COL22A1: variants seen among roughly 807,000 people sequenced by gnomAD.
COL22A1 encodes the protein collagen type XXII alpha 1 chain, also known as collagen alpha-1(XXII) chain.
Under a neutral mutation model 248.9 loss-of-function variants are expected in COL22A1, and 221 were observed. The ratio of observed to expected loss-of-function variants is 0.89; its 90% CI spans 0.80 to 0.99. The LOEUF is 0.99. COL22A1 is among the 50% of genes least tolerant of loss of function. The pLI is 0.00. For missense variants in COL22A1, 2,240 were observed against 2,179.0 expected (o/e 1.03, Z -0.56); for synonymous variants, 891 against 793.4 (o/e 1.12, Z -2.07).
intron 1 of COL22A1, among the ~76,000 whole-genome samples, chr8:138,887,711 T>C (rs570780850): frequency 6.6e-6 from 1 of 152,336 alleles, no homozygotes; most frequent in South Asian, 2.1e-4. Context: ...TGCACCTAAG[T>C]CTTACCCATG....
At chr8:138,593,687 T>C (rs755101466) in intron 63 of COL22A1, among the ~76,000 whole-genome samples, 15 of 152,216 alleles carry the variant, frequency 9.9e-5, no homozygotes, top group Non-Finnish European at 1.3e-4. Context: ...TGAGATTAAA[T>C]GTCTTATTCC....
intron 1 of COL22A1, among the ~76,000 whole-genome samples, chr8:138,883,825 C>T (rs1412490238): frequency 1.3e-5 from 2 of 152,266 alleles, no homozygotes; most frequent in East Asian, 3.9e-4. Context: ...TCAATGAAAC[C>T]TCTTTCGTTT....
rs531172929 is a variant in COL22A1, at chr8:138,682,046, T to C, written c.3013-2370A>G. On this transcript the variant is annotated intron_variant, in intron 39 of 64. Coordinates refer to ENST00000303045, the MANE Select transcript of COL22A1 (RefSeq NM_152888.3). Reference sequence around the variant, plus strand: ...GAGCCTCACATTTTCATATCTTGCATGTTATTGTAAGCAAGCCTCTCACAT... The same window carrying C: ...GAGCCTCACATTTTCATATCTTGCACGTTATTGTAAGCAAGCCTCTCACAT... 9.8e-5 allele frequency among the ~76,000 whole-genome samples: 15 copies of C among 152,320 alleles called. No individual in the cohort carries two copies. The South Asian group carries it at 2.9e-3, about 29-fold the overall frequency.
At chr8:138,661,601 GGGAA>G (rs1823964110) in intron 43 of COL22A1, among the ~76,000 whole-genome samples, 2 of 152,150 alleles carry the variant, frequency 1.3e-5, no homozygotes, top group African/African-American at 4.8e-5. Context: ...GTCACAAAGT[GGGAA>G]GGAACACATC....
chr8:138,897,532 A>T (rs1233459350), intron 1 of COL22A1, among the ~76,000 whole-genome samples: 5 of 147,084 alleles, frequency 3.4e-5, no homozygotes, highest in Non-Finnish European at 7.5e-5. Context: ...CTAGTGACAG[A>T]GCGAGACTCT....
intron 2 of COL22A1, among the ~76,000 whole-genome samples, chr8:138,880,353 C>T (rs961581181): frequency 5.3e-5 from 8 of 152,156 alleles, no homozygotes; most frequent in African/African-American, 1.7e-4. Flanking sequence ...TGTGTGTGCA[C>T]GCGCGATTGT....
At chr8:138,802,800 T>C in intron 11 of COL22A1, 72 bp downstream of exon 11, 2 of 1,185,528 alleles carry the variant, frequency 1.7e-6, no homozygotes, top group Non-Finnish European at 2.5e-6. Flanking sequence ...CTGATTTGCA[T>C]GATCGGAGGG....
intron 58 of COL22A1, 142 bp downstream of exon 58, chr8:138,606,239 T>C (rs1412296779): frequency 1.4e-6 from 1 of 722,024 alleles, no homozygotes; most frequent in Non-Finnish European, 2.3e-6. Context: ...TCTTAAACCA[T>C]GATGCAACTT....
At chr8:138,848,348 T>C (rs1821394246) in intron 3 of COL22A1, among the ~76,000 whole-genome samples, 1 of 152,172 alleles carries the variant, frequency 6.6e-6, no homozygotes, top group African/African-American at 2.4e-5. Flanking sequence ...ACAGCATGCG[T>C]TCCTTCTCAC....
chr8:138,730,678 C>G (rs991056814), intron 23 of COL22A1, among the ~76,000 whole-genome samples: 2 of 152,080 alleles, frequency 1.3e-5, no homozygotes, highest in African/African-American at 4.8e-5. Context: ...CATGAGATAC[C>G]TGTTGAAAAG....
chr8:138,879,847 C>CAA (rs1477827447), intron 2 of COL22A1, among the ~76,000 whole-genome samples: 1 of 151,484 alleles, frequency 6.6e-6, no homozygotes, highest in Non-Finnish European at 1.5e-5. Flanking sequence ...TAAAACAAAA[C>CAA]AAAACAAAAC....
At chr8:138,873,030 T>C (rs1823458017) in intron 3 of COL22A1, among the ~76,000 whole-genome samples, 1 of 152,144 alleles carries the variant, frequency 6.6e-6, no homozygotes, top group South Asian at 2.1e-4. Flanking sequence ...TTCTAGACAC[T>C]GGGTAGGGTT....
In COL22A1 at chr8:138,652,058, T is replaced by C. The variant is rs1709848286; in HGVS notation, c.3334-2280A>G. Among the ~76,000 whole-genome samples the C allele has an allele frequency of 3.9e-5, 6 of 152,182 alleles. No homozygotes were observed. The South Asian group carries it at 1.2e-3, about 31-fold the overall frequency. ...ACCCAGTTCTGGAATCCAGTGAGCA[T>C]AGGGTGAGATCACCCCAATCTGCAG... On this transcript the variant is annotated intron_variant, in intron 45 of 64. Transcript: ENST00000303045.
At chr8:138,838,994 T>C (rs1820659080) in intron 4 of COL22A1, among the ~76,000 whole-genome samples, 1 of 152,094 alleles carries the variant, frequency 6.6e-6, no homozygotes, top group Non-Finnish European at 1.5e-5. Context: ...GCTGCCTTAG[T>C]TCCTCTTGGA....
At chr8:138,683,245 G>C (rs1203284117) in intron 39 of COL22A1, among the ~76,000 whole-genome samples, 1 of 152,174 alleles carries the variant, frequency 6.6e-6, no homozygotes, top group African/African-American at 2.4e-5. Flanking sequence ...TCTTACACAT[G>C]TGGTAAGAAA....
intron 3 of COL22A1, among the ~76,000 whole-genome samples, chr8:138,868,096 C>T (rs73351965): frequency 2.5e-3 from 386 of 152,222 alleles, no homozygotes; most frequent in African/African-American, 8.8e-3. Flanking sequence ...AACTAAAGTT[C>T]GAAAGACTAG....
In COL22A1 at chr8:138,821,413, TG is replaced by T; in HGVS notation, c.970-3del. ...TTCACCATCCAGCCGGATGGAGACC[TG>T]GGGAGGAAAGGACCAGAGACTCCTT... On this transcript the variant is annotated splice_polypyrimidine_tract_variant and splice_region_variant and intron_variant, in intron 6 of 64. Transcript: ENST00000303045. The T allele has an allele frequency of 6.2e-7, 1 of 1,610,904 alleles. No individual in the cohort carries two copies. Among genetic ancestry groups the T allele is most frequent in the South Asian group, 1.1e-5 (1 of 91,004 alleles).
At chr8:138,715,871 C>T in intron 29 of COL22A1, 136 bp from the exon 30 acceptor site, 2 of 676,442 alleles carry the variant, frequency 3.0e-6, no homozygotes, top group South Asian at 3.8e-5. Flanking sequence ...CTTGCCTTAT[C>T]AGCAAAGTGG....
intron 57 of COL22A1, 56 bp downstream of exon 57, chr8:138,607,880 C>T (rs1301109571): frequency 1.3e-5 from 20 of 1,500,150 alleles, no homozygotes; most frequent in Non-Finnish European, 1.9e-5. Context: ...ATGTGATCCA[C>T]AAGCCCTTTC....
Sources: allele counts gnomAD v4.1 joint callset (sites outside exome capture counted in the v4.1 genomes callset), GRCh38; gene constraint gnomAD v4.1.1; transcripts MANE v1.5; gene names NCBI Gene and HGNC (gene_info 2026-07-23, HGNC 2026-07-21).